The following GLRA2 variants were observed in gnomAD, a reference collection of about 807,000 sequenced individuals.
GLRA2 encodes the protein glycine receptor alpha 2.
Under a neutral mutation model 31.6 loss-of-function variants are expected in GLRA2, and 11 were observed. The ratio of observed to expected loss-of-function variants is 0.35; its 90% CI spans 0.22 to 0.58. The LOEUF (loss-of-function observed/expected upper bound fraction) is 0.58, where lower values mean the gene tolerates loss of function less well. GLRA2 is among the 20% of genes least tolerant of loss of function. The pLI is 0.84. For missense variants in GLRA2, 212 were observed against 351.8 expected (o/e 0.60, Z 3.18); for synonymous variants, 132 against 134.0 (o/e 0.99, Z 0.10).
chrX:14,525,256 A>T (rs953158222), upstream of GLRA2, among the ~76,000 whole-genome samples: 1 of 111,718 alleles, frequency 9.0e-6, no homozygotes, highest in Non-Finnish European at 1.9e-5. Flanking sequence ...AGAGTACAGA[A>T]TAAGGTTTCC....
the GLRA2 span, among the ~76,000 whole-genome samples, chrX:14,518,675 AAAC>A: frequency 3.5e-4 from 39 of 110,252 alleles, no homozygotes; most frequent in African/African-American, 1.2e-3. Flanking sequence ...GTGTGTGTGA[AAAC>A]AAAATGCTAA....
the GLRA2 span, among the ~76,000 whole-genome samples, chrX:14,500,823 A>G: frequency 1.8e-5 from 2 of 110,847 alleles, no homozygotes; most frequent in Non-Finnish European, 3.8e-5. Flanking sequence ...TCATCTTGAC[A>G]CTGTATATGT....
chrX:14,458,187 C>A, the GLRA2 span, among the ~76,000 whole-genome samples: 2 of 111,063 alleles, frequency 1.8e-5, no homozygotes, highest in African/African-American at 6.6e-5. Context: ...CATGTCCCTA[C>A]AAAGGACATG....
At chrX:14,500,900 G>A in the GLRA2 span, among the ~76,000 whole-genome samples, 1 of 110,603 alleles carries the variant, frequency 9.0e-6, no homozygotes, top group Non-Finnish European at 1.9e-5. Flanking sequence ...TTTGGAACTG[G>A]AAGTCCTCAG....
chrX:14,493,891 G>A, the GLRA2 span, among the ~76,000 whole-genome samples: 1 of 107,704 alleles, frequency 9.3e-6, no homozygotes, highest in Admixed American at 1.0e-4. Flanking sequence ...ACATGAAAAT[G>A]TTTACAGTAA....
chrX:14,494,825 A>C, the GLRA2 span, among the ~76,000 whole-genome samples: 1 of 111,932 alleles, frequency 8.9e-6, no homozygotes, highest in South Asian at 3.7e-4. Context: ...AACTGGGTGG[A>C]ATTTCCAGCA....
intron 7 of GLRA2, among the ~76,000 whole-genome samples, chrX:14,617,635 A>G (rs185818618): frequency 1.9e-3 from 213 of 111,731 alleles, no homozygotes; most frequent in Non-Finnish European, 3.3e-3. Context: ...GACTAAGACC[A>G]GGCTAACCTA....
chrX:14,531,922 T>C (rs2089260775), intron 1 of GLRA2, among the ~76,000 whole-genome samples: 2 of 111,631 alleles, frequency 1.8e-5, no homozygotes, highest in Admixed American at 1.9e-4. Flanking sequence ...ATCATCTCAT[T>C]TCTCTGAATA....
At chrX:14,656,252 A>G (rs1317889776) in intron 7 of GLRA2, among the ~76,000 whole-genome samples, 1 of 112,232 alleles carries the variant, frequency 8.9e-6, no homozygotes, top group Non-Finnish European at 1.9e-5. Context: ...TATGGATATT[A>G]TTTTCAAGTT....
intron 2 of GLRA2, among the ~76,000 whole-genome samples, chrX:14,570,037 T>C (rs1444552455): frequency 8.9e-6 from 1 of 111,837 alleles, no homozygotes; most frequent in Non-Finnish European, 1.9e-5. Flanking sequence ...TTAAATATCC[T>C]AAATAGAGAA....
intron 8 of GLRA2, among the ~76,000 whole-genome samples, chrX:14,722,616 GCTAT>G (rs754667671): frequency 1.7e-4 from 19 of 111,644 alleles, no homozygotes; most frequent in Admixed American, 6.7e-4. Context: ...TATTGTTGTG[GCTAT>G]CTTTGGCAAA....
At chrX:14,484,702 T>C in the GLRA2 span, among the ~76,000 whole-genome samples, 6 of 111,779 alleles carry the variant, frequency 5.4e-5, no homozygotes, top group African/African-American at 1.6e-4. Context: ...GCCTAATGGC[T>C]TCGTGGACTT....
rs770909218 is a variant in GLRA2, at chrX:14,689,455, A to G, written c.931-1255A>G. ...ATAAAGGTCAAAGGGAAATGCAAAG[A>G]TACAAACTGTGATCCTAGCAATGTG... On this transcript the variant is annotated intron_variant, in intron 7 of 8. Transcript: ENST00000218075. Among the ~76,000 whole-genome samples the G allele has an allele frequency of 1.1e-4, 12 of 112,671 alleles. No individual in the cohort carries two copies. In the South Asian group the frequency reaches 4.0e-3, roughly 38 times the overall value.
chrX:14,648,028 T>C (rs1322184727), intron 7 of GLRA2, among the ~76,000 whole-genome samples: 1 of 112,689 alleles, frequency 8.9e-6, no homozygotes, highest in African/African-American at 3.2e-5. Context: ...GTTTACAACA[T>C]GGAAGTAACA....
the GLRA2 span, among the ~76,000 whole-genome samples, chrX:14,456,397 A>G: frequency 9.0e-6 from 1 of 110,916 alleles, no homozygotes; most frequent in Non-Finnish European, 1.9e-5. Context: ...ATTTGAATCT[A>G]TAAAATATAT....
At chrX:14,631,300 T>C (rs1350558228) in intron 7 of GLRA2, among the ~76,000 whole-genome samples, 1 of 111,419 alleles carries the variant, frequency 9.0e-6, no homozygotes, top group Non-Finnish European at 1.9e-5. Context: ...TTCTTTTATC[T>C]AGCTTTTTGA....
At chrX:14,626,336 A>G (rs1442220054) in intron 7 of GLRA2, among the ~76,000 whole-genome samples, 1 of 112,283 alleles carries the variant, frequency 8.9e-6, no homozygotes, top group African/African-American at 3.2e-5. Flanking sequence ...TATTTGTGAA[A>G]TAAGTTATTT....
the GLRA2 span, among the ~76,000 whole-genome samples, chrX:14,472,175 T>A: frequency 3.6e-5 from 4 of 112,004 alleles, no homozygotes; most frequent in East Asian, 1.1e-3. Context: ...AAATCAGTTG[T>A]GGCCTCTGTA....
the GLRA2 span, among the ~76,000 whole-genome samples, chrX:14,459,498 C>T: frequency 9.1e-6 from 1 of 110,320 alleles, no homozygotes; most frequent in African/African-American, 3.3e-5. Context: ...ATTCTTCCTA[C>T]CCATGAGCAT....
Sources: allele counts gnomAD v4.1 joint callset (sites outside exome capture counted in the v4.1 genomes callset), GRCh38; gene constraint gnomAD v4.1.1; transcripts MANE v1.5; gene names NCBI Gene and HGNC (gene_info 2026-07-23, HGNC 2026-07-21).